Variants in LCORL observed in about 807,000 individuals in gnomAD.
LCORL encodes the protein ligand dependent nuclear receptor corepressor like.
Under a neutral mutation model 141.8 loss-of-function variants are expected in LCORL, and 41 were observed. That is an observed-to-expected ratio of 0.29 (90% CI 0.23 to 0.38). The LOEUF is 0.38. LCORL is among the 10% of genes least tolerant of loss of function. The pLI is 1.00. For synonymous variants in LCORL, 618 were observed against 694.1 expected (o/e 0.89, Z 1.72); for missense variants, 1,759 against 2,035.0 (o/e 0.86, Z 2.61).
chr4:17,866,683 C>G (rs529012621), intron 7 of LCORL, among the ~76,000 whole-genome samples: 27 of 152,094 alleles, frequency 1.8e-4, no homozygotes, highest in African/African-American at 6.5e-4. Flanking sequence ...ATTCAGACAC[C>G]TACCCTTGCC....
intron 4 of LCORL, among the ~76,000 whole-genome samples, chr4:17,914,965 C>A (rs1733160267): frequency 6.6e-6 from 1 of 152,126 alleles, no homozygotes; most frequent in Admixed American, 6.5e-5. Flanking sequence ...TAGCGTACTG[C>A]CCAAGTATTT....
At chr4:18,002,879 AT>A (rs1722201712) in intron 1 of LCORL, among the ~76,000 whole-genome samples, 1 of 152,224 alleles carries the variant, frequency 6.6e-6, no homozygotes, top group Admixed American at 6.5e-5. Flanking sequence ...TGGGGTTGGT[AT>A]AAAACAGAAC....
At chr4:17,909,824 A>C (rs955379904) in intron 4 of LCORL, among the ~76,000 whole-genome samples, 5 of 152,174 alleles carry the variant, frequency 3.3e-5, no homozygotes, top group Non-Finnish European at 7.4e-5. Flanking sequence ...CATTTCATAT[A>C]TAACCTGAAT....
chr4:17,894,762 A>G (rs1490118458), intron 5 of LCORL, among the ~76,000 whole-genome samples: 1 of 152,098 alleles, frequency 6.6e-6, no homozygotes, highest in Admixed American at 6.5e-5. Flanking sequence ...TTAACCTGGT[A>G]TATCTCCTGA....
chr4:18,018,633 T>C (rs1220923904), intron 1 of LCORL, among the ~76,000 whole-genome samples: 2 of 152,116 alleles, frequency 1.3e-5, no homozygotes, highest in African/African-American at 4.8e-5. Flanking sequence ...CCTATAAAAT[T>C]AGAATATTAT....
intron 1 of LCORL, among the ~76,000 whole-genome samples, chr4:18,015,036 A>T (rs1361906927): frequency 1.3e-5 from 2 of 152,214 alleles, no homozygotes; most frequent in Non-Finnish European, 2.9e-5. Flanking sequence ...TCCCACCAAA[A>T]ATGTAGGTTA....
chr4:17,930,215 A>T (rs1735786611), intron 4 of LCORL, among the ~76,000 whole-genome samples: 1 of 152,230 alleles, frequency 6.6e-6, no homozygotes, highest in Admixed American at 6.5e-5. Flanking sequence ...AAAAATGTAA[A>T]TATAAGCCAG....
intron 4 of LCORL, among the ~76,000 whole-genome samples, chr4:17,949,489 A>G (rs1404444078): frequency 1.3e-5 from 2 of 152,078 alleles, no homozygotes; most frequent in Non-Finnish European, 2.9e-5. Context: ...AGCCCTGAAT[A>G]GTCTCCCAAT....
At chr4:17,911,729 TC>T in intron 4 of LCORL, 1 of 479,056 alleles carries the variant, frequency 2.1e-6, no homozygotes. Context: ...CTGGACTCCG[TC>T]CAAGCGCCCA....
At chr4:17,941,488 T>A (rs557927130) in intron 4 of LCORL, among the ~76,000 whole-genome samples, 2 of 151,860 alleles carry the variant, frequency 1.3e-5, no homozygotes, top group East Asian at 1.9e-4. Flanking sequence ...ATAACCACCA[T>A]AACCATAGAC....
intron 5 of LCORL, among the ~76,000 whole-genome samples, chr4:17,898,926 A>G (rs1730424712): frequency 6.6e-6 from 1 of 152,196 alleles, no homozygotes; most frequent in South Asian, 2.1e-4. Context: ...ACCAGTTTGT[A>G]TTTCCACAGT....
rs994735335 is a variant in LCORL at position 18,021,278 on chromosome 4, G to A, written c.154+320C>T. On this transcript the variant is annotated intron_variant, in intron 1 of 7. Transcript: ENST00000635767. The surrounding 1 kb of genome is among the most constrained non-coding windows in gnomAD (Gnocchi z 5.5). ...CTGTCAGGGTGGACGGCGGGCGACG[G>A]CGGGCAGCGACGGGCGCCGAGGAGT... Among the ~76,000 whole-genome samples the A allele has an allele frequency of 2.6e-5, 4 of 152,158 alleles. No individual in the cohort carries two copies. The highest frequency in any genetic ancestry group is 4.8e-5 in the African/African-American group (2 of 41,442).
At chr4:17,911,115 T>C (rs1265981076) in intron 4 of LCORL, among the ~76,000 whole-genome samples, 1 of 152,176 alleles carries the variant, frequency 6.6e-6, no homozygotes, top group East Asian at 1.9e-4. Flanking sequence ...ATACTATTTA[T>C]GGGGCTTGCT....
At chr4:17,956,869 AC>A (rs1712753107) in intron 4 of LCORL, among the ~76,000 whole-genome samples, 1 of 152,122 alleles carries the variant, frequency 6.6e-6, no homozygotes, top group Non-Finnish European at 1.5e-5. Flanking sequence ...CACATTGTAT[AC>A]ATGTATCAAA....
At chr4:17,944,379 AAG>A (rs1390191126) in intron 4 of LCORL, among the ~76,000 whole-genome samples, 1 of 152,198 alleles carries the variant, frequency 6.6e-6, no homozygotes, top group Non-Finnish European at 1.5e-5. Flanking sequence ...TTCTGTAAGA[AAG>A]AACTGCCCCT....
chr4:17,878,332 G>C, intron 6 of LCORL, 119 bp from the exon 7 acceptor site: 1 of 543,804 alleles, frequency 1.8e-6, no homozygotes, highest in South Asian at 1.0e-4. Flanking sequence ...GACTCCTAGA[G>C]AGCTGCAATA....
intron 4 of LCORL, among the ~76,000 whole-genome samples, chr4:17,958,984 T>G (rs1713239706): frequency 6.6e-6 from 1 of 152,030 alleles, no homozygotes; most frequent in South Asian, 2.1e-4. Flanking sequence ...TTCACCTTTG[T>G]CCTAGAACAT....
At chr4:17,922,052 G>A (rs891784459) in intron 4 of LCORL, among the ~76,000 whole-genome samples, 3 of 152,124 alleles carry the variant, frequency 2.0e-5, no homozygotes, top group Non-Finnish European at 4.4e-5. Context: ...GACTCAGGCT[G>A]GCTTCCTTAC....
intron 2 of LCORL, 99 bp from the exon 3 acceptor site, chr4:17,963,148 A>G (rs1458288080): frequency 3.7e-6 from 2 of 546,120 alleles, no homozygotes; most frequent in Non-Finnish European, 6.3e-6. Flanking sequence ...AATAATTTTT[A>G]AAAAACTAAC....
Sources: gnomAD v4.1 joint callset for allele counts (sites outside exome capture counted in the v4.1 genomes callset) on GRCh38, gnomAD v4.1.1 for gene constraint, Gnocchi (gnomAD v3.1) non-coding constraint, MANE v1.5 for transcripts, NCBI Gene and HGNC (gene_info 2026-07-23, HGNC 2026-07-21) for gene names.